The following HYDIN variants were observed in gnomAD, a reference collection of about 807,000 sequenced individuals.
HYDIN encodes axonemal central pair apparatus protein HYDIN.
HYDIN carries 132 observed loss-of-function variants against 403.9 expected under a neutral mutation model. That is an observed-to-expected ratio of 0.33 (90% confidence interval 0.28 to 0.38). The LOEUF (loss-of-function observed/expected upper bound fraction) is 0.38, where lower values mean the gene tolerates loss of function less well. Ranked by LOEUF, HYDIN falls within the 10% of genes least tolerant of loss-of-function variation. HYDIN has a pLI of 1.00. For missense variants in HYDIN, 2,827 were observed against 5,009.5 expected (o/e 0.56, Z 13.15); for synonymous variants, 1,202 against 1,891.7 (o/e 0.64, Z 9.46).
chr16:71,130,036 G>A (rs534841067), intron 8 of HYDIN, among the ~76,000 whole-genome samples: 19 of 151,796 alleles, frequency 1.3e-4, no homozygotes, highest in African/African-American at 4.3e-4. Flanking sequence ...TTCTTTAAGA[G>A]ATCCTCCCTG....
rs568424728 is a variant in HYDIN at position 70,970,458 on chromosome 16, A to G, written c.5619+62T>C. ...GAAGTAATCACTAAATTGACAAGGA[A>G]GAATTCAAGGGGAAAAAGATGGGAA... On this transcript the variant is annotated intron_variant, in intron 36 of 85. Transcript: ENST00000393567. 27 of 1,565,924 alleles carry G rather than the reference A, an allele frequency of 1.7e-5. No individual in the cohort carries two copies. In the East Asian group the frequency reaches 5.0e-4, roughly 29 times the overall value.
chr16:70,971,927 TG>T (rs1451771733), intron 35 of HYDIN, among the ~76,000 whole-genome samples: 1 of 152,228 alleles, frequency 6.6e-6, no homozygotes, highest in African/African-American at 2.4e-5. Context: ...ATGGATCGTA[TG>T]GGTTGCAGGG....
At chr16:70,931,210 GTTTTTTTTTT>G (rs71387550) in intron 45 of HYDIN, among the ~76,000 whole-genome samples, 23 of 59,476 alleles carry the variant, frequency 3.9e-4, no homozygotes, top group African/African-American at 1.1e-3. Context: ...TCTTTCTTCT[GTTTTTTTTTT>G]TTTTTTTTTT....
At position 70,806,571 on chromosome 16, in the gene HYDIN, C is replaced by A. The variant is rs1045667839; in HGVS notation, c.*1009G>T. Among the ~76,000 whole-genome samples, 2 of 152,120 alleles carry A rather than the reference C, an allele frequency of 1.3e-5. No individual in the cohort carries two copies. The highest frequency in any genetic ancestry group is 4.8e-5 in the African/African-American group (2 of 41,418). On this transcript the variant is annotated 3_prime_UTR_variant, in exon 86 of 86. Coordinates refer to ENST00000393567, the MANE Select transcript of HYDIN (RefSeq NM_001270974.2). ...TCCCAGGTGATAGTACTGCTGCTGGCCCAGGGACCATTTTTAAGACCCACT... is the reference window on the plus strand; with the variant it reads ...TCCCAGGTGATAGTACTGCTGCTGGACCAGGGACCATTTTTAAGACCCACT...
chr16:70,856,021 C>CA (rs2039002396), intron 72 of HYDIN, among the ~76,000 whole-genome samples: 1 of 148,962 alleles, frequency 6.7e-6, no homozygotes, highest in Non-Finnish European at 1.5e-5. Context: ...GGACAACTAA[C>CA]AAATGATCAG....
At chr16:70,973,020 A>C (rs2078777651) in intron 35 of HYDIN, among the ~76,000 whole-genome samples, 1 of 152,220 alleles carries the variant, frequency 6.6e-6, no homozygotes, top group Non-Finnish European at 1.5e-5. Flanking sequence ...ATGCAACATG[A>C]CTATTTTTTC....
At chr16:70,850,065 G>C (rs1340474505) in intron 74 of HYDIN, 118 bp from the exon 75 acceptor site, 2 of 611,048 alleles carry the variant, frequency 3.3e-6, no homozygotes, top group African/African-American at 1.8e-5. Context: ...GATGATGTTG[G>C]TGATTTGACT....
At chr16:70,812,738 C>T (rs553121112) in intron 84 of HYDIN, among the ~76,000 whole-genome samples, 9 of 152,240 alleles carry the variant, frequency 5.9e-5, no homozygotes, top group Middle Eastern at 3.4e-3. Flanking sequence ...GAGATTTGCT[C>T]GTGGATTGGA....
chr16:70,978,948 A>G lies in HYDIN; in HGVS notation c.4604T>C (p.Ile1535Thr), dbSNP rs538313253. 2 of 1,613,902 alleles carry G rather than the reference A, an allele frequency of 1.2e-6. No homozygotes were observed. The change falls in exon 30 of 86, where the codon ATA becomes ACA. Residue 1535 changes from isoleucine to threonine, a missense_variant. Physicochemically the swap from Ile to Thr is moderately conservative, Grantham distance 89 (BLOSUM62 -1). Transcript: ENST00000393567. ...CTCGTCTTCTGGCACTTCCTCAGTT[A>G]TTATGTCAAAGTGATCGAGCATTTC... is the stretch of plus-strand genomic sequence containing the variant. ...KCEMLDHFDI[I>T]TEEVPEDEPA... is the part of the protein sequence containing the mutation.
At chr16:71,114,325 T>C (rs1194056416) in intron 10 of HYDIN, among the ~76,000 whole-genome samples, 1 of 149,032 alleles carries the variant, frequency 6.7e-6, no homozygotes, top group Non-Finnish European at 1.5e-5. Flanking sequence ...TCTATTAGTA[T>C]CATTATTTTG....
intron 15 of HYDIN, 148 bp downstream of exon 15, chr16:71,067,141 TC>T (rs2082298790): frequency 1.7e-6 from 1 of 597,226 alleles, no homozygotes; most frequent in Admixed American, 3.0e-5. Flanking sequence ...TGCTGCTTTG[TC>T]ATTTGAATGT....
At chr16:71,123,071 C>A (rs2144493619) in intron 9 of HYDIN, among the ~76,000 whole-genome samples, 1 of 79,472 alleles carries the variant, frequency 1.3e-5, no homozygotes. Context: ...TTTGTGCTGC[C>A]ATTCCTCAAA....
Position 71,129,888 on chromosome 16 carries a change from C to T in HYDIN, c.1044-65G>A, listed in dbSNP as rs560655919. The T allele has an allele frequency of 7.1e-6, 11 of 1,550,144 alleles. No individual in the cohort carries two copies. In the South Asian group the frequency reaches 1.2e-4, roughly 17 times the overall value. On this transcript the variant is annotated intron_variant, in intron 8 of 85. Transcript: ENST00000393567. ...CCATGAAGAACTTTGTAAAGGGCTT[C>T]CCTCTAGTACCTCCTCCTGGAAATG...
Position 71,186,905 on chromosome 16 carries a change from T to C in HYDIN, c.-10A>G, listed in dbSNP as rs751448746. 19 of 1,579,844 alleles carry C rather than the reference T, an allele frequency of 1.2e-5. No individual in the cohort carries two copies. Among genetic ancestry groups the C allele is most frequent in the Non-Finnish European group, 1.6e-5 (19 of 1,157,798 alleles). ...GTCTTCTACTTGTCATTTTTAGTAA[T>C]TTTTTTTTCTCACCTAAGAGTGAAA... On this transcript the variant is annotated 5_prime_UTR_variant, in exon 2 of 86. Transcript: ENST00000393567.
At chr16:70,969,756 A>C (rs1044949065) in intron 36 of HYDIN, among the ~76,000 whole-genome samples, 1 of 151,952 alleles carries the variant, frequency 6.6e-6, no homozygotes, top group African/African-American at 2.4e-5. Flanking sequence ...GGGGTCTTCA[A>C]ATGTATGTTT....
intron 84 of HYDIN, among the ~76,000 whole-genome samples, chr16:70,813,507 C>T (rs1184881884): frequency 2.0e-5 from 3 of 150,750 alleles, no homozygotes; most frequent in Admixed American, 1.3e-4. Flanking sequence ...CCTGAGAGAC[C>T]CTGAGCCCAA....
chr16:71,034,236 A>T (rs2081012692), intron 18 of HYDIN, among the ~76,000 whole-genome samples: 1 of 152,188 alleles, frequency 6.6e-6, no homozygotes. Flanking sequence ...TAATTCTATG[A>T]TATACTTCTT....
In HYDIN at chr16:70,884,123, G is replaced by A; in HGVS notation, c.9776C>T (p.Ala3259Val). Reference protein sequence around the residue: ...IQKEVTTTGQARFAHGMFTVY... With the variant: ...IQKEVTTTGQVRFAHGMFTVY... ...GGTGAACATGCCATGGGCGAAGCGGGCCTGCAGGACAAGGGTGGGAGGGAT... is the reference window on the plus strand; with the variant it reads ...GGTGAACATGCCATGGGCGAAGCGGACCTGCAGGACAAGGGTGGGAGGGAT... The change falls in exon 59 of 86, where the codon GCC (alanine) becomes GTC (valine). Residue 3259 changes from alanine (A) to valine (V), a missense_variant and splice_region_variant. Ala to Val is a moderately conservative substitution (Grantham distance 64). Transcript: ENST00000393567. 1 of 1,577,828 alleles carries A rather than the reference G, an allele frequency of 6.3e-7. No individual in the cohort carries two copies. The highest frequency in any genetic ancestry group is 1.4e-5 in the African/African-American group (1 of 73,208).
At chr16:71,094,681 A>T in intron 10 of HYDIN, among the ~76,000 whole-genome samples, 1 of 152,306 alleles carries the variant, frequency 6.6e-6, no homozygotes, top group Non-Finnish European at 1.5e-5. Flanking sequence ...GCTTACGCAC[A>T]AAGGCAACGT....
Sources: allele counts gnomAD v4.1 joint callset (sites outside exome capture counted in the v4.1 genomes callset), GRCh38; gene constraint gnomAD v4.1.1; transcripts MANE v1.5; gene names NCBI Gene and HGNC (gene_info 2026-07-23, HGNC 2026-07-21).